The following ADCY9 variants were observed in gnomAD, a reference collection of about 807,000 sequenced individuals.
ADCY9 encodes adenylate cyclase type 9.
ADCY9 carries 50 observed loss-of-function variants against 101.5 expected under a neutral mutation model. The observed-to-expected ratio is 0.49, with a 90% confidence interval of 0.39 to 0.62. The LOEUF (loss-of-function observed/expected upper bound fraction) is 0.62, where lower values mean the gene tolerates loss of function less well. Ranked by LOEUF, ADCY9 falls within the 20% of genes least tolerant of loss-of-function variation. The pLI, the probability that ADCY9 is intolerant of heterozygous loss-of-function variation, is 0.00. For synonymous variants in ADCY9, 905 were observed against 769.3 expected (o/e 1.18, Z -2.92); for missense variants, 1,662 against 1,800.4 (o/e 0.92, Z 1.39).
intron 2 of ADCY9, 134 bp downstream of exon 2, chr16:4,113,616 C>CTGAA: frequency 8.4e-7 from 1 of 1,193,734 alleles, no homozygotes; most frequent in Non-Finnish European, 1.2e-6. Flanking sequence ...CACACTGACC[C>CTGAA]TGAGATCCCC....
chr16:4,042,976 A>C (rs979208079), intron 2 of ADCY9, among the ~76,000 whole-genome samples: 1 of 152,236 alleles, frequency 6.6e-6, no homozygotes, highest in African/African-American at 2.4e-5. Flanking sequence ...TCACGCCTGT[A>C]ATCCCAGCAC....
At chr16:4,082,945 G>A (rs965372701) in intron 2 of ADCY9, among the ~76,000 whole-genome samples, 4 of 152,194 alleles carry the variant, frequency 2.6e-5, no homozygotes, top group African/African-American at 9.7e-5. Context: ...ATGCAGGATT[G>A]GAAAAGCCCC....
downstream of ADCY9, among the ~76,000 whole-genome samples, chr16:3,959,959 G>C (rs1322524787): frequency 6.6e-6 from 1 of 152,212 alleles, no homozygotes; most frequent in Admixed American, 6.5e-5. Flanking sequence ...CCAGGAGGTG[G>C]AGGTTGTGGT....
downstream of ADCY9, among the ~76,000 whole-genome samples, chr16:3,958,099 C>T (rs1184892503): frequency 2.6e-5 from 4 of 152,182 alleles, no homozygotes; most frequent in Non-Finnish European, 5.9e-5. Context: ...CAACCATCGG[C>T]TCTTCCCTCA....
At chr16:4,005,480 C>T (rs1036167065) in intron 3 of ADCY9, among the ~76,000 whole-genome samples, 11 of 152,208 alleles carry the variant, frequency 7.2e-5, no homozygotes, top group East Asian at 1.9e-4. Context: ...CCTCCCACCT[C>T]GGCCGCCCAC....
At chr16:3,972,614 TC>T (rs755474340) in intron 10 of ADCY9, among the ~76,000 whole-genome samples, 4 of 152,144 alleles carry the variant, frequency 2.6e-5, no homozygotes, top group Non-Finnish European at 4.4e-5. Flanking sequence ...TACAGTGTAA[TC>T]CGTTATCATG....
Position 3,998,749 on chromosome 16 carries a change from G to GAAAGAAAGA in ADCY9, c.1885-5240_1885-5239insTCTTTCTTT, listed in dbSNP as rs1555507993. ...AAAAAAAAAAAAGAAAAGAAAGAAA[G>GAAAGAAAGA]AAAGAAAAGAAAAGAAAAGAAAAGA... On this transcript the variant is annotated intron_variant, in intron 3 of 10. Transcript: ENST00000294016. Among the ~76,000 whole-genome samples the GAAAGAAAGA allele has an allele frequency of 3.9e-3, 350 of 89,732 alleles. 4 individuals are homozygous for GAAAGAAAGA. Among genetic ancestry groups the GAAAGAAAGA allele is most frequent in the Non-Finnish European group, 6.0e-3 (299 of 49,632 alleles). 58.9% of individuals were successfully genotyped at this position (89,732 alleles called of 152,430 possible).
chr16:4,092,180 G>T (rs1397473277), intron 2 of ADCY9, among the ~76,000 whole-genome samples: 1 of 152,218 alleles, frequency 6.6e-6, no homozygotes, highest in Non-Finnish European at 1.5e-5. Context: ...TGAGGCACGA[G>T]AATTGCCTGA....
chr16:4,111,103 G>A (rs1367598383), intron 2 of ADCY9, among the ~76,000 whole-genome samples: 1 of 152,202 alleles, frequency 6.6e-6, no homozygotes, highest in African/African-American at 2.4e-5. Context: ...TGCAAAGCCT[G>A]TTCGGATAAA....
intron 2 of ADCY9, among the ~76,000 whole-genome samples, chr16:4,040,866 G>A (rs1597184975): frequency 6.6e-6 from 1 of 152,132 alleles, no homozygotes; most frequent in South Asian, 2.1e-4. Flanking sequence ...TCACACTTGT[G>A]TAGTACTTTT....
At chr16:3,988,354 G>T (rs897445426) in intron 6 of ADCY9, among the ~76,000 whole-genome samples, 3 of 151,754 alleles carry the variant, frequency 2.0e-5, no homozygotes, top group Admixed American at 2.0e-4. Context: ...AAGCAGGGAG[G>T]GCAACAGAGA....
At chr16:4,106,194 C>T (rs909151448) in intron 2 of ADCY9, among the ~76,000 whole-genome samples, 3 of 152,198 alleles carry the variant, frequency 2.0e-5, no homozygotes, top group Non-Finnish European at 4.4e-5. Flanking sequence ...ACAAGTTTTA[C>T]AAGGGGCAGT....
chr16:4,065,950 C>T (rs1277517021), intron 2 of ADCY9, among the ~76,000 whole-genome samples: 2 of 152,174 alleles, frequency 1.3e-5, no homozygotes, highest in Admixed American at 6.5e-5. Context: ...GTGATCTGCC[C>T]GCCTTGGCCT....
At chr16:3,984,191 T>C (rs551203980) in intron 6 of ADCY9, 1 of 152,234 alleles carries the variant, frequency 6.6e-6, no homozygotes, top group Admixed American at 6.5e-5. Context: ...CTGGCGCAGG[T>C]GAGGTCCCTG....
chr16:4,097,272 G>C (rs527331034), intron 2 of ADCY9, among the ~76,000 whole-genome samples: 35 of 151,568 alleles, frequency 2.3e-4, no homozygotes, highest in Admixed American at 2.2e-3. Flanking sequence ...CCATGCGCTG[G>C]TCAGCCCTCT....
chr16:3,992,454 G>C lies in ADCY9; in HGVS notation c.1990-91C>G. On this transcript the variant is annotated intron_variant, in intron 4 of 10. Transcript: ENST00000294016. The surrounding 1 kb of genome is among the most constrained non-coding windows in gnomAD (Gnocchi z 4.2). Reference sequence around the variant, plus strand: ...CCTGTCCCACCCCGACCTCCGCTGCGGGGCGCTGCTGCACTGGGCGTGGGA... The same window carrying C: ...CCTGTCCCACCCCGACCTCCGCTGCCGGGCGCTGCTGCACTGGGCGTGGGA... 2 of 1,188,790 alleles carry C rather than the reference G, an allele frequency of 1.7e-6. No individual in the cohort carries two copies. The highest frequency in any genetic ancestry group is 2.4e-6 in the Non-Finnish European group (2 of 836,896). 73.6% of individuals were successfully genotyped at this position (1,188,790 alleles called of 1,614,324 possible). A position where few individuals can be genotyped will look rare whatever the true frequency, so the allele number is the denominator to read the frequency against.
intron 2 of ADCY9, among the ~76,000 whole-genome samples, chr16:4,010,596 G>A (rs1001565876): frequency 2.0e-5 from 3 of 152,216 alleles, no homozygotes; most frequent in Admixed American, 1.3e-4. Flanking sequence ...GGCCGAGATC[G>A]TGACCTGTGT....
chr16:3,966,119 A>T lies in ADCY9; in HGVS notation c.3718T>A (p.Tyr1240Asn), dbSNP rs1294598242. The T allele has an allele frequency of 6.2e-7, 1 of 1,614,220 alleles. No individual in the cohort carries two copies. Among genetic ancestry groups the T allele is most frequent in the Admixed American group, 1.7e-5 (1 of 60,024 alleles). ...NVKGKGQMKT[Y>N]LYPKCTDHRV... is the part of the protein sequence containing the mutation. Reference sequence around the variant, plus strand: ...TGATCCGTGCACTTTGGGTACAGGTAGGTCTTCATCTGGCCTTTCCCCTTG... The same window carrying T: ...TGATCCGTGCACTTTGGGTACAGGTTGGTCTTCATCTGGCCTTTCCCCTTG... Residue 1240 changes from tyrosine (Y) to asparagine (N), a missense_variant, in exon 11 of 11, where the codon TAC (tyrosine) becomes AAC (asparagine). Coordinates refer to ENST00000294016, the MANE Select transcript of ADCY9 (RefSeq NM_001116.4).
At chr16:4,058,026 G>GCA (rs2056751748) in intron 2 of ADCY9, among the ~76,000 whole-genome samples, 2 of 151,994 alleles carry the variant, frequency 1.3e-5, no homozygotes, top group Non-Finnish European at 2.9e-5. Context: ...AGGCGTGGTG[G>GCA]TGGGCACCTG....
Sources: gnomAD v4.1 joint callset for allele counts (sites outside exome capture counted in the v4.1 genomes callset) on GRCh38, gnomAD v4.1.1 for gene constraint, Gnocchi (gnomAD v3.1) non-coding constraint, MANE v1.5 for transcripts, NCBI Gene and HGNC (gene_info 2026-07-23, HGNC 2026-07-21) for gene names.